Variants in ASXL3 observed in about 807,000 individuals in gnomAD.
ASXL3 encodes the protein putative Polycomb group protein ASXL3.
In ASXL3, 34 loss-of-function variants were observed where a neutral mutation model predicts 170.6. The observed-to-expected ratio is 0.20, with a 90% CI of 0.15 to 0.27. The LOEUF (loss-of-function observed/expected upper bound fraction) is 0.27. ASXL3 is among the 10% of genes least tolerant of loss of function. The probability of loss-of-function intolerance (pLI) is 1.00; values close to 1 mark genes in which losing one functional copy is unlikely to be tolerated. For synonymous variants in ASXL3, 1,002 were observed against 989.1 expected, an observed-to-expected ratio of 1.01 and a Z score of -0.24; for missense variants, 2,592 against 2,695.3, an observed-to-expected ratio of 0.96 and a Z score of 0.85.
chr18:33,649,430 G>A (rs2065963606), intron 4 of ASXL3: 2 of 152,124 alleles, frequency 1.3e-5, no homozygotes, highest in African/African-American at 4.8e-5. Flanking sequence ...AGTTAAGGGT[G>A]AGAATAGGGG....
intron 4 of ASXL3, among the ~76,000 whole-genome samples, chr18:33,657,728 TAGAG>T (rs1354075431): frequency 6.6e-6 from 1 of 151,100 alleles, no homozygotes; most frequent in Admixed American, 7.0e-5. Flanking sequence ...ATCTTCTAAA[TAGAG>T]TATTTTGAGG....
chr18:33,673,390 T>C (rs913535416), intron 7 of ASXL3, among the ~76,000 whole-genome samples: 61 of 131,218 alleles, frequency 4.6e-4, no homozygotes, highest in Non-Finnish European at 2.2e-4. Context: ...TTTTTTTTTT[T>C]TGAGACAGGG....
chr18:33,580,506 T>C (rs1456310498), intron 1 of ASXL3, among the ~76,000 whole-genome samples: 1 of 152,182 alleles, frequency 6.6e-6, no homozygotes, highest in African/African-American at 2.4e-5. Context: ...AAATAATAAG[T>C]CATGAATTAG....
Position 33,738,881 on chromosome 18 carries a change from G to A in ASXL3, c.1477G>A (p.Ala493Thr), listed in dbSNP as rs1450518953. ...LTNSHEEPQIAPPEDNLESCV... is the reference protein window; with the variant it reads ...LTNSHEEPQITPPEDNLESCV... The stretch of plus-strand genomic sequence containing the variant: ...CAATTCTCATGAAGAACCCCAAATA[G>A]CACCTCCTGAAGATAACTTGGAATC... Residue 493 changes from alanine (A) to threonine (T), a missense_variant, in exon 11 of 12, where the codon GCA (alanine) becomes ACA (threonine). By Grantham distance (58) the Ala-to-Thr change is moderately conservative. This residue lies in a region of ASXL3 where 2,246 missense variants were observed against 2,219.6 expected (regional missense o/e 1.01). Transcript: ENST00000269197. The A allele has an allele frequency of 1.9e-6, 3 of 1,613,396 alleles. No individual in the cohort carries two copies. Among genetic ancestry groups the A allele is most frequent in the Admixed American group, 1.7e-5 (1 of 59,910 alleles).
Position 33,739,456 on chromosome 18 carries a change from C to G in ASXL3, c.2052C>G (p.Ser684=). The G allele has an allele frequency of 1.2e-6, 2 of 1,613,928 alleles. No individual in the cohort carries two copies. The highest frequency in any genetic ancestry group is 1.7e-6 in the Non-Finnish European group (2 of 1,179,868). Residue 684 remains serine (S), a synonymous_variant, in exon 11 of 12, where the codon TCC becomes TCG. Transcript: ENST00000269197. ...TGATGTCAGAAATATCTCCAATATC[C>G]ACTTCACCTGAAATATCAGAAGCAT... ...ASLMSEISPI[S]TSPEISEASL...
chr18:33,730,900 T>G (rs1033993398), intron 8 of ASXL3, among the ~76,000 whole-genome samples: 1 of 152,160 alleles, frequency 6.6e-6, no homozygotes, highest in Non-Finnish European at 1.5e-5. Context: ...GTATTGAATA[T>G]TTTAGTGTGG....
At chr18:33,665,612 C>T (rs1455081193) in intron 5 of ASXL3, among the ~76,000 whole-genome samples, 5 of 152,170 alleles carry the variant, frequency 3.3e-5, no homozygotes, top group Admixed American at 2.0e-4. Flanking sequence ...GCAGGCATTA[C>T]TTGCTTAAAA....
chr18:33,627,135 T>G (rs1452953242), intron 2 of ASXL3: 1 of 152,342 alleles, frequency 6.6e-6, no homozygotes, highest in Non-Finnish European at 1.5e-5. Flanking sequence ...AGGAACCCCA[T>G]AAGAGTCACT....
At chr18:33,719,969 G>GT (rs1462310475) in intron 8 of ASXL3, among the ~76,000 whole-genome samples, 21 of 152,008 alleles carry the variant, frequency 1.4e-4, no homozygotes, top group African/African-American at 5.1e-4. Flanking sequence ...AAAGCACTCA[G>GT]TTAGTCTATT....
intron 5 of ASXL3, among the ~76,000 whole-genome samples, chr18:33,666,983 C>G (rs2145245324): frequency 1.3e-5 from 2 of 152,248 alleles, no homozygotes; most frequent in African/African-American, 4.8e-5. Flanking sequence ...AAGACCTTGC[C>G]TAGGAAAGCT....
intron 1 of ASXL3, among the ~76,000 whole-genome samples, chr18:33,600,956 T>C (rs925159775): frequency 1.1e-4 from 16 of 152,182 alleles, no homozygotes; most frequent in Non-Finnish European, 2.2e-4. Context: ...ATATTTTTGA[T>C]TTGTAACAAG....
chr18:33,649,125 T>A (rs2065958718), intron 4 of ASXL3, among the ~76,000 whole-genome samples: 1 of 152,012 alleles, frequency 6.6e-6, no homozygotes, highest in Admixed American at 6.6e-5. Flanking sequence ...TTTAAAAAAA[T>A]GGGAAACAAT....
In ASXL3 at chr18:33,670,777, G is replaced by A. The variant is rs1367807246; in HGVS notation, c.582G>A (p.Ser194=). The A allele has an allele frequency of 5.2e-6, 8 of 1,544,334 alleles. No homozygotes were observed. The highest frequency in any genetic ancestry group is 2.5e-5 in the South Asian group (2 of 81,552). ...CATTAAAGGTGTCTGATGAGCAGTC[G>A]GATTCGCCTTCAGGTAAAGAGCTGA... ...LTPLKVSDEQ[S]DSPSGSESKN... The change falls in exon 6 of 12, where the codon TCG becomes TCA. Residue 194 remains serine, a synonymous_variant. Transcript: ENST00000269197.
intron 2 of ASXL3, among the ~76,000 whole-genome samples, chr18:33,636,411 A>C (rs1175733585): frequency 2.0e-5 from 3 of 152,170 alleles, no homozygotes; most frequent in South Asian, 4.1e-4. Flanking sequence ...AAGCAGTCTG[A>C]GCAGTGTTTC....
chr18:33,685,212 A>T (rs2066574567), intron 8 of ASXL3, among the ~76,000 whole-genome samples: 1 of 152,328 alleles, frequency 6.6e-6, no homozygotes, highest in Middle Eastern at 3.4e-3. Flanking sequence ...AAGGAATTTT[A>T]GTTTTTCCCT....
chr18:33,716,001 T>C (rs1035861598), intron 8 of ASXL3, among the ~76,000 whole-genome samples: 3 of 152,190 alleles, frequency 2.0e-5, no homozygotes, highest in African/African-American at 7.2e-5. Context: ...GTGTCAGTCA[T>C]GTCAAGCAGC....
chr18:33,727,890 C>G lies in ASXL3; in HGVS notation c.880-4078C>G, dbSNP rs982449877. Among the ~76,000 whole-genome samples, 4 of 152,226 alleles carry G rather than the reference C, an allele frequency of 2.6e-5. No individual in the cohort carries two copies. The East Asian group carries it at 7.7e-4, about 29-fold the overall frequency. ...TTACTGTCTGTTACAGCCTGGGGAT[C>G]TGGCAGTTAAAATTATTTTTCTGTT... On this transcript the variant is annotated intron_variant, in intron 8 of 11. Transcript: ENST00000269197.
intron 8 of ASXL3, among the ~76,000 whole-genome samples, chr18:33,709,806 G>C (rs994660395): frequency 6.6e-6 from 1 of 152,048 alleles, no homozygotes; most frequent in Admixed American, 6.6e-5. Context: ...CTATTCTTCC[G>C]CCCTAACTTG....
chr18:33,614,402 C>G (rs2065386590), intron 2 of ASXL3: 1 of 152,170 alleles, frequency 6.6e-6, no homozygotes, highest in Non-Finnish European at 1.5e-5. Flanking sequence ...TTGGGTTCCA[C>G]TTCGAATTCT....
Sources: gnomAD v4.1 joint callset for allele counts (sites outside exome capture counted in the v4.1 genomes callset) on GRCh38, gnomAD v4.1.1 for gene constraint, gnomAD v4.1.1 regional missense constraint, MANE v1.5 for transcripts, NCBI Gene and HGNC (gene_info 2026-07-23, HGNC 2026-07-21) for gene names.